Variants in CLNK observed in about 807,000 individuals in gnomAD.
CLNK encodes the protein cytokine-dependent hematopoietic cell linker.
Under a neutral mutation model 68.6 loss-of-function variants are expected in CLNK, and 74 were observed. The ratio of observed to expected loss-of-function variants is 1.08; its 90% CI spans 0.89 to 1.31. The LOEUF (loss-of-function observed/expected upper bound fraction) is 1.31. CLNK is among the 50% of genes most tolerant of loss of function. CLNK has a pLI of 0.00. For synonymous variants in CLNK, 198 were observed against 172.2 expected (o/e 1.15, Z -1.17); for missense variants, 553 against 515.3 (o/e 1.07, Z -0.71).
intron 17 of CLNK, among the ~76,000 whole-genome samples, chr4:10,507,282 T>C (rs1398822113): frequency 6.6e-6 from 1 of 151,632 alleles, no homozygotes. Flanking sequence ...TGGCTAATTT[T>C]TGTATTTTTA....
chr4:10,530,677 C>G (rs1431371710), intron 12 of CLNK, among the ~76,000 whole-genome samples: 2 of 152,314 alleles, frequency 1.3e-5, no homozygotes, highest in East Asian at 3.9e-4. Context: ...ACTGTCCTCT[C>G]AGACTGACCA....
chr4:10,547,479 T>G, intron 8 of CLNK, among the ~76,000 whole-genome samples: 1 of 152,228 alleles, frequency 6.6e-6, no homozygotes, highest in African/African-American at 2.4e-5. Flanking sequence ...TTTATTTTAT[T>G]TTCTTTTTTT....
chr4:10,606,801 C>G (rs1721810723), intron 2 of CLNK, among the ~76,000 whole-genome samples: 1 of 152,126 alleles, frequency 6.6e-6, no homozygotes, highest in Admixed American at 6.5e-5. Context: ...TATATACACA[C>G]ACACATAGTT....
chr4:10,509,102 T>G (rs1717451646), intron 16 of CLNK, among the ~76,000 whole-genome samples: 1 of 41,520 alleles, frequency 2.4e-5, no homozygotes, highest in African/African-American at 1.1e-4. Context: ...TGAGACTCGG[T>G]CTCAAAAAAA....
At chr4:10,566,637 A>C (rs954153488) in intron 5 of CLNK, among the ~76,000 whole-genome samples, 1 of 152,220 alleles carries the variant, frequency 6.6e-6, no homozygotes, top group Non-Finnish European at 1.5e-5. Flanking sequence ...TCTATATGCT[A>C]GTAATGACAA....
chr4:10,734,642 G>A, the CLNK span, among the ~76,000 whole-genome samples: 11,064 of 152,198 alleles, frequency 0.073, 532 homozygotes, highest in East Asian at 0.18. Context: ...AATCTTCTTC[G>A]ATGTCAAAAT....
chr4:10,610,622 T>A lies in CLNK; in HGVS notation c.12-12573A>T, dbSNP rs545341258. Among the ~76,000 whole-genome samples the A allele has an allele frequency of 2.4e-4, 37 of 152,284 alleles. 2 individuals carry two copies. In the South Asian group the frequency reaches 7.7e-3, roughly 32 times the overall value. ...GACTGTCAAGAGATGTAGCTTTTAA[T>A]AGACCATCAATGTATGTAATGAGCA... is the stretch of plus-strand genomic sequence containing the variant. On this transcript the variant is annotated intron_variant, in intron 2 of 18. Coordinates refer to ENST00000226951, the MANE Select transcript of CLNK (RefSeq NM_052964.4).
chr4:10,594,889 G>T (rs1258775604), intron 3 of CLNK, among the ~76,000 whole-genome samples: 1 of 152,188 alleles, frequency 6.6e-6, no homozygotes, highest in Non-Finnish European at 1.5e-5. Context: ...GAGGTTGGGA[G>T]TTCGAGACCA....
chr4:10,682,660 G>C (rs903563120), intron 1 of CLNK, among the ~76,000 whole-genome samples: 2 of 152,148 alleles, frequency 1.3e-5, no homozygotes, highest in East Asian at 1.9e-4. Flanking sequence ...TCACACACTA[G>C]ATTCATGTCC....
chr4:10,621,341 C>A (rs995816396), intron 2 of CLNK, among the ~76,000 whole-genome samples: 1 of 152,128 alleles, frequency 6.6e-6, no homozygotes, highest in South Asian at 2.1e-4. Context: ...CAGCCCCAAG[C>A]AGAGTTACCG....
rs1716491547 is a variant in CLNK, at chr4:10,489,801, G to A, written c.*666C>T. The stretch of plus-strand genomic sequence containing the variant: ...CCTGCCTCAGCCTCCCGAGTAGCTG[G>A]GACTACAGGCACCCACCACCACGCC... On this transcript the variant is annotated 3_prime_UTR_variant, in exon 19 of 19. Coordinates refer to ENST00000226951, the MANE Select transcript of CLNK (RefSeq NM_052964.4). 2.1e-5 allele frequency: 3 copies of A among 143,802 alleles called. No homozygotes were observed. The South Asian group carries it at 6.9e-4, about 33-fold the overall frequency. 8.9% of individuals were successfully genotyped at this position (143,802 alleles called of 1,614,324 possible).
At chr4:10,568,701 A>G (rs1054095644) in intron 5 of CLNK, among the ~76,000 whole-genome samples, 5 of 152,188 alleles carry the variant, frequency 3.3e-5, no homozygotes, top group Non-Finnish European at 7.3e-5. Context: ...ACTGGATTCT[A>G]TGAAACAACC....
At chr4:10,517,212 A>G (rs1717873266) in intron 15 of CLNK, among the ~76,000 whole-genome samples, 1 of 152,150 alleles carries the variant, frequency 6.6e-6, no homozygotes, top group South Asian at 2.1e-4. Flanking sequence ...AAGAAGACTG[A>G]TACTGGAATG....
intron 2 of CLNK, among the ~76,000 whole-genome samples, chr4:10,655,102 A>G (rs972857583): frequency 1.4e-4 from 9 of 65,318 alleles, no homozygotes; most frequent in Non-Finnish European, 2.7e-4. Flanking sequence ...CACCGACTCG[A>G]AAAAAAAAAA....
At chr4:10,668,612 G>A (rs767646456) in intron 1 of CLNK, among the ~76,000 whole-genome samples, 2 of 152,174 alleles carry the variant, frequency 1.3e-5, no homozygotes, top group Non-Finnish European at 2.9e-5. Flanking sequence ...AGGGTAGAAG[G>A]AATCCACAGA....
intron 18 of CLNK, among the ~76,000 whole-genome samples, chr4:10,500,443 G>A (rs932134209): frequency 1.3e-5 from 2 of 152,188 alleles, no homozygotes; most frequent in African/African-American, 4.8e-5. Flanking sequence ...CACTTTGGGA[G>A]GCCAAGGCAG....
the CLNK span, among the ~76,000 whole-genome samples, chr4:10,712,491 A>T: frequency 6.6e-6 from 1 of 152,240 alleles, no homozygotes; most frequent in Non-Finnish European, 1.5e-5. Flanking sequence ...GTTTAACTTT[A>T]AAAAAGAAAA....
At chr4:10,505,227 G>C (rs1398496111) in intron 17 of CLNK, among the ~76,000 whole-genome samples, 1 of 152,188 alleles carries the variant, frequency 6.6e-6, no homozygotes, top group East Asian at 1.9e-4. Flanking sequence ...GGTCCTCAAG[G>C]AGCTGCATCA....
At chr4:10,618,302 G>A (rs138545793) in intron 2 of CLNK, among the ~76,000 whole-genome samples, 2 of 152,300 alleles carry the variant, frequency 1.3e-5, no homozygotes, top group African/African-American at 4.8e-5. Flanking sequence ...TCATTTAGGT[G>A]AAATAATCCA....
Sources: gnomAD v4.1 joint callset for allele counts (sites outside exome capture counted in the v4.1 genomes callset) on GRCh38, gnomAD v4.1.1 for gene constraint, MANE v1.5 for transcripts, NCBI Gene and HGNC (gene_info 2026-07-23, HGNC 2026-07-21) for gene names.